Variants in HDAC9 observed in about 807,000 individuals in gnomAD.
HDAC9 encodes the protein histone deacetylase 9, also known as MEF-2 interacting transcription repressor (MITR) protein.
In HDAC9, 41 loss-of-function variants were observed where a neutral mutation model predicts 139.4. The ratio of observed to expected loss-of-function variants is 0.29; its 90% CI spans 0.23 to 0.38. The LOEUF (loss-of-function observed/expected upper bound fraction) is 0.38. HDAC9 is among the 10% of genes least tolerant of loss of function. The pLI, the probability that HDAC9 is intolerant of heterozygous loss-of-function variation, is 1.00. For synonymous variants in HDAC9, 517 were observed against 476.2 expected, an observed-to-expected ratio of 1.09 and a Z score of -1.12; for missense variants, 1,147 against 1,297.0, an observed-to-expected ratio of 0.88 and a Z score of 1.78.
At chr7:18,448,533 G>T (rs1792508055) in intron 1 of HDAC9, among the ~76,000 whole-genome samples, 1 of 152,078 alleles carries the variant, frequency 6.6e-6, no homozygotes, top group African/African-American at 2.4e-5. Flanking sequence ...TTATTAAATT[G>T]CATAGGGAAG....
intron 1 of HDAC9, among the ~76,000 whole-genome samples, chr7:18,296,655 G>A (rs954620375): frequency 3.9e-5 from 6 of 152,194 alleles, no homozygotes. Flanking sequence ...GTCTATGCCT[G>A]TAGGATGGAT....
intron 22 of HDAC9, among the ~76,000 whole-genome samples, chr7:18,890,527 A>G (rs975623771): frequency 3.9e-5 from 6 of 152,212 alleles, no homozygotes; most frequent in Non-Finnish European, 7.3e-5. Flanking sequence ...GTTTAATAAT[A>G]TTTGGGACAT....
At chr7:18,512,667 C>T (rs2128190968) in intron 2 of HDAC9, among the ~76,000 whole-genome samples, 1 of 152,326 alleles carries the variant, frequency 6.6e-6, no homozygotes, top group Non-Finnish European at 1.5e-5. Context: ...ATTTCCACCT[C>T]AACTCTACTA....
rs1786707990 is a variant in HDAC9 at position 19,000,690 on chromosome 7, T to C, written c.*4628T>C. 2 of 152,226 alleles carry C rather than the reference T, an allele frequency of 1.3e-5. No individual in the cohort carries two copies. The highest frequency in any genetic ancestry group is 4.1e-4 in the South Asian group (2 of 4,834). The allele number at this position is 152,226 out of a possible 1,614,324, so 9.4% of individuals were successfully genotyped here. A position where few individuals can be genotyped will look rare whatever the true frequency, so the allele number is the denominator to read the frequency against. On this transcript the variant is annotated 3_prime_UTR_variant, in exon 26 of 26. Transcript: ENST00000686413. Reference sequence around the variant, plus strand: ...TGATAAGGTAATAAGGTTGTTGCAATTTCTCAAAGCATCTTAATTCTCAAA... The same window carrying C: ...TGATAAGGTAATAAGGTTGTTGCAACTTCTCAAAGCATCTTAATTCTCAAA...
chr7:18,855,934 A>G (rs1797642162), intron 21 of HDAC9, among the ~76,000 whole-genome samples: 1 of 152,062 alleles, frequency 6.6e-6, no homozygotes, highest in African/African-American at 2.4e-5. Flanking sequence ...AAATAATTGT[A>G]AGCATTACAG....
At chr7:18,642,813 A>G (rs1786114279) in intron 8 of HDAC9, among the ~76,000 whole-genome samples, 1 of 152,020 alleles carries the variant, frequency 6.6e-6, no homozygotes, top group Admixed American at 6.6e-5. Flanking sequence ...TCCTGTGATG[A>G]GGTGGGAGGA....
intron 1 of HDAC9, among the ~76,000 whole-genome samples, chr7:18,455,994 C>T (rs1793306980): frequency 1.3e-5 from 2 of 152,058 alleles, no homozygotes; most frequent in Non-Finnish European, 2.9e-5. Flanking sequence ...TTTTTACTTG[C>T]TAGGGAGATT....
intron 1 of HDAC9, among the ~76,000 whole-genome samples, chr7:18,298,157 C>T (rs1420439442): frequency 1.3e-5 from 2 of 152,128 alleles, no homozygotes; most frequent in African/African-American, 4.8e-5. Flanking sequence ...TCAATGGTAG[C>T]ATGGCAGAGG....
chr7:18,327,744 T>C (rs980780987), intron 1 of HDAC9: 1 of 151,962 alleles, frequency 6.6e-6, no homozygotes, highest in African/African-American at 2.4e-5. Context: ...AAATATAATA[T>C]AGATGAGTTA....
At chr7:18,739,272 CA>C (rs1352827679) in intron 13 of HDAC9, among the ~76,000 whole-genome samples, 1 of 152,198 alleles carries the variant, frequency 6.6e-6, no homozygotes, top group Non-Finnish European at 1.5e-5. Flanking sequence ...GTCAACTTGA[CA>C]AATCATTCTC....
intron 22 of HDAC9, among the ~76,000 whole-genome samples, chr7:18,901,261 C>CATATAT (rs145525024): frequency 6.9e-6 from 1 of 144,690 alleles, no homozygotes; most frequent in Non-Finnish European, 1.5e-5. Context: ...TATACATATA[C>CATATAT]ATATATATAT....
intron 17 of HDAC9, among the ~76,000 whole-genome samples, chr7:18,823,188 A>C (rs533198620): frequency 6.6e-6 from 1 of 152,282 alleles, no homozygotes; most frequent in Admixed American, 6.5e-5. Flanking sequence ...AGGTGGGTAG[A>C]ATTTCTGGTG....
chr7:18,686,336 A>G (rs1175718854), intron 12 of HDAC9, among the ~76,000 whole-genome samples: 1 of 152,024 alleles, frequency 6.6e-6, no homozygotes, highest in Non-Finnish European at 1.5e-5. Flanking sequence ...CAAAGATGGA[A>G]TGTGAAAAAC....
chr7:18,539,025 G>A (rs964979369), intron 2 of HDAC9, among the ~76,000 whole-genome samples: 1 of 152,016 alleles, frequency 6.6e-6, no homozygotes, highest in Non-Finnish European at 1.5e-5. Flanking sequence ...CCACCATGGG[G>A]CCTCTACCCT....
chr7:18,148,323 C>T (rs1339013854), intron 1 of HDAC9, among the ~76,000 whole-genome samples: 1 of 152,180 alleles, frequency 6.6e-6, no homozygotes, highest in Non-Finnish European at 1.5e-5. Context: ...AGAGAGTGCT[C>T]ACATTCCTTG....
intron 12 of HDAC9, 131 bp downstream of exon 12, chr7:18,666,607 T>G: frequency 6.8e-7 from 1 of 1,480,322 alleles, no homozygotes; most frequent in Non-Finnish European, 9.0e-7. Context: ...AGTTCAGTGT[T>G]TAAGGATTCT....
chr7:18,619,332 T>C (rs1312756221), intron 6 of HDAC9, among the ~76,000 whole-genome samples: 1 of 152,202 alleles, frequency 6.6e-6, no homozygotes, highest in Non-Finnish European at 1.5e-5. Context: ...AGCCTTTTAA[T>C]GTAAGTTTCC....
chr7:18,899,956 A>G (rs1801546906), intron 22 of HDAC9, among the ~76,000 whole-genome samples: 1 of 152,160 alleles, frequency 6.6e-6, no homozygotes, highest in Non-Finnish European at 1.5e-5. Flanking sequence ...AAGACTTGAT[A>G]ATACACACAC....
intron 22 of HDAC9, among the ~76,000 whole-genome samples, chr7:18,920,003 C>G (rs1180579493): frequency 1.3e-5 from 2 of 152,088 alleles, no homozygotes; most frequent in Non-Finnish European, 1.5e-5. Context: ...TCCATATGAA[C>G]TTTAACGTGG....
Sources: gnomAD v4.1 joint callset for allele counts (sites outside exome capture counted in the v4.1 genomes callset) on GRCh38, gnomAD v4.1.1 for gene constraint, MANE v1.5 for transcripts, NCBI Gene and HGNC (gene_info 2026-07-23, HGNC 2026-07-21) for gene names.